KCNB2: variants seen among roughly 807,000 people sequenced by gnomAD.
KCNB2 encodes delayed rectifier potassium channel protein.
Under a neutral mutation model 61.5 loss-of-function variants are expected in KCNB2, and 15 were observed. The observed-to-expected ratio is 0.24, with a 90% CI of 0.16 to 0.38. The LOEUF (loss-of-function observed/expected upper bound fraction) is 0.38, where lower values mean the gene tolerates loss of function less well. Among genes scored for constraint, KCNB2 ranks in the 10% least tolerant of loss-of-function variants. The pLI is 1.00. For missense variants in KCNB2, 828 were observed against 1,125.2 expected (o/e 0.74, Z 3.78); for synonymous variants, 457 against 446.0 (o/e 1.02, Z -0.31).
chr8:72,759,896 C>T (rs189446713), intron 2 of KCNB2, among the ~76,000 whole-genome samples: 3 of 152,184 alleles, frequency 2.0e-5, no homozygotes, highest in African/African-American at 4.8e-5. Flanking sequence ...GAGTCAAGGT[C>T]GGGACAAAGC....
At chr8:72,704,175 G>A (rs1807179468) in intron 2 of KCNB2, among the ~76,000 whole-genome samples, 1 of 152,170 alleles carries the variant, frequency 6.6e-6, no homozygotes, top group Admixed American at 6.5e-5. Context: ...CATTTAGTCA[G>A]TGGCATTTAT....
At chr8:72,907,845 G>C (rs1251342548) in intron 2 of KCNB2, among the ~76,000 whole-genome samples, 1 of 152,068 alleles carries the variant, frequency 6.6e-6, no homozygotes, top group African/African-American at 2.4e-5. Context: ...TATACCCTAA[G>C]TGTTATATAA....
chr8:72,736,213 C>A (rs1427583543), intron 2 of KCNB2, among the ~76,000 whole-genome samples: 1 of 151,748 alleles, frequency 6.6e-6, no homozygotes, highest in Non-Finnish European at 1.5e-5. Context: ...GATTTGGATT[C>A]TCTGATGGCC....
chr8:72,838,481 T>C (rs1385593942), intron 2 of KCNB2, among the ~76,000 whole-genome samples: 2 of 152,242 alleles, frequency 1.3e-5, no homozygotes, highest in Non-Finnish European at 2.9e-5. Flanking sequence ...ATGGTATATA[T>C]GTGCCACATT....
At chr8:72,920,488 T>TGTGTGTATATATATATATATATATA (rs57048446) in intron 2 of KCNB2, among the ~76,000 whole-genome samples, 2 of 137,202 alleles carry the variant, frequency 1.5e-5, no homozygotes. Flanking sequence ...TATATATATA[T>TGTGTGTATATATATATATATATATA]TAGCTGGCCA....
chr8:72,847,650 A>T (rs1340313786), intron 2 of KCNB2, among the ~76,000 whole-genome samples: 1 of 152,182 alleles, frequency 6.6e-6, no homozygotes, highest in Non-Finnish European at 1.5e-5. Context: ...GTTGCTACCA[A>T]CCTAGGAGGC....
At chr8:72,645,149 A>G (rs1211004898) in intron 2 of KCNB2, among the ~76,000 whole-genome samples, 1 of 152,156 alleles carries the variant, frequency 6.6e-6, no homozygotes, top group Admixed American at 6.6e-5. Context: ...GTGTCACACC[A>G]GTGATGACCA....
At chr8:72,854,901 A>G (rs1318161012) in intron 2 of KCNB2, among the ~76,000 whole-genome samples, 1 of 152,220 alleles carries the variant, frequency 6.6e-6, no homozygotes, top group African/African-American at 2.4e-5. Context: ...AGCTATGAGC[A>G]GAATTGAAAA....
chr8:72,593,023 T>A (rs1362545114), intron 2 of KCNB2, among the ~76,000 whole-genome samples: 1 of 152,244 alleles, frequency 6.6e-6, no homozygotes, highest in East Asian at 1.9e-4. Flanking sequence ...TGTAGACTTT[T>A]ATTTTAGGCT....
chr8:72,628,813 T>C (rs1805835219), intron 2 of KCNB2, among the ~76,000 whole-genome samples: 1 of 152,202 alleles, frequency 6.6e-6, no homozygotes, highest in Non-Finnish European at 1.5e-5. Flanking sequence ...AGAGCCTCAC[T>C]CTGAGGTTAA....
intron 2 of KCNB2, among the ~76,000 whole-genome samples, chr8:72,897,842 G>C (rs1387599271): frequency 6.6e-6 from 1 of 152,054 alleles, no homozygotes; most frequent in Non-Finnish European, 1.5e-5. Flanking sequence ...TTGACACTTT[G>C]TTCTTCATTT....
intron 2 of KCNB2, among the ~76,000 whole-genome samples, chr8:72,918,433 T>G (rs1433659665): frequency 1.3e-5 from 2 of 152,322 alleles, no homozygotes; most frequent in East Asian, 3.9e-4. Context: ...TTGCTAAGCT[T>G]AATGTCTTAG....
intron 2 of KCNB2, among the ~76,000 whole-genome samples, chr8:72,647,982 A>G (rs1301037796): frequency 6.6e-6 from 1 of 152,170 alleles, no homozygotes; most frequent in African/African-American, 2.4e-5. Flanking sequence ...ATGCCCTAAG[A>G]AAGAGTGGTC....
intron 2 of KCNB2, among the ~76,000 whole-genome samples, chr8:72,582,062 G>C (rs928263779): frequency 8.5e-5 from 13 of 152,170 alleles, no homozygotes; most frequent in Non-Finnish European, 1.6e-4. Context: ...GCAGGTTCAA[G>C]TGCATTGGTT....
chr8:72,730,192 AG>A, intron 2 of KCNB2, among the ~76,000 whole-genome samples: 1 of 152,250 alleles, frequency 6.6e-6, no homozygotes, highest in South Asian at 2.1e-4. Context: ...AGGGTGGGGG[AG>A]GAGTTGAGCT....
intron 1 of KCNB2, among the ~76,000 whole-genome samples, chr8:72,561,447 G>A (rs931950590): frequency 8.6e-5 from 13 of 151,040 alleles, no homozygotes; most frequent in African/African-American, 2.7e-4. Context: ...AAACTAAGGA[G>A]TATATAGTTG....
intron 2 of KCNB2, among the ~76,000 whole-genome samples, chr8:72,716,691 C>T (rs1228658248): frequency 2.0e-5 from 3 of 152,062 alleles, no homozygotes. Flanking sequence ...CTATGACAAA[C>T]CCACAGCCAA....
At chr8:72,578,201 A>G (rs1186159756) in intron 2 of KCNB2, among the ~76,000 whole-genome samples, 1 of 152,242 alleles carries the variant, frequency 6.6e-6, no homozygotes, top group Non-Finnish European at 1.5e-5. Flanking sequence ...ACTTTGGGAA[A>G]CTAGCAGAGG....
intron 2 of KCNB2, among the ~76,000 whole-genome samples, chr8:72,777,672 T>A (rs1422351806): frequency 3.9e-5 from 6 of 152,208 alleles, no homozygotes; most frequent in African/African-American, 1.4e-4. Context: ...ATATACTCTT[T>A]AAAAATTGTG....
Sources: gnomAD v4.1 joint callset for allele counts (sites outside exome capture counted in the v4.1 genomes callset) on GRCh38, gnomAD v4.1.1 for gene constraint, MANE v1.5 for transcripts, NCBI Gene and HGNC (gene_info 2026-07-23, HGNC 2026-07-21) for gene names.